Variants in CACNG7 observed in about 807,000 individuals in gnomAD.
CACNG7 encodes the protein voltage-dependent calcium channel gamma-7 subunit.
Under a neutral mutation model 26.3 loss-of-function variants are expected in CACNG7, and 9 were observed. The observed-to-expected ratio is 0.34, with a 90% confidence interval of 0.21 to 0.60. The LOEUF is 0.60. Ranked by LOEUF, CACNG7 falls within the 20% of genes least tolerant of loss-of-function variation. CACNG7 has a pLI of 0.81. For synonymous variants in CACNG7, 170 were observed against 157.0 expected, an observed-to-expected ratio of 1.08 and a Z score of -0.62; for missense variants, 297 against 380.4, an observed-to-expected ratio of 0.78 and a Z score of 1.82.
At chr19:53,920,726 TCCCAGGCTGGTCATTGGTGGAGTTG>T (rs2068939322) in intron 4 of CACNG7, among the ~76,000 whole-genome samples, 1 of 77,358 alleles carries the variant, frequency 1.3e-5, no homozygotes, top group African/African-American at 7.2e-5. Flanking sequence ...GGTGGAGCTG[TCCCAGGCTGGTCATTGGTGGAGTTG>T]CCCCAGGTCT....
At chr19:53,937,817 C>T (rs1479706106) in intron 4 of CACNG7, among the ~76,000 whole-genome samples, 1 of 152,142 alleles carries the variant, frequency 6.6e-6, no homozygotes, top group Non-Finnish European at 1.5e-5. Context: ...TCTGAAACCC[C>T]TGGTCTCAAG....
intron 4 of CACNG7, among the ~76,000 whole-genome samples, chr19:53,930,266 T>TG (rs2145914760): frequency 6.6e-6 from 1 of 151,796 alleles, no homozygotes; most frequent in South Asian, 2.1e-4. Flanking sequence ...TGGAGTGCAA[T>TG]GGTGCCATCT....
chr19:53,920,699 C>T (rs1599974559), intron 4 of CACNG7, among the ~76,000 whole-genome samples: 1 of 117,864 alleles, frequency 8.5e-6, no homozygotes, highest in Non-Finnish European at 1.7e-5. Context: ...GGTGGACTTG[C>T]TCCAGGTCTG....
chr19:53,913,094 T>C (rs895690087), intron 2 of CACNG7, 67 bp downstream of exon 2: 13 of 1,408,026 alleles, frequency 9.2e-6, no homozygotes, highest in Non-Finnish European at 1.3e-5. Flanking sequence ...GTCTTAGCCA[T>C]AGTCCCATCC....
intron 4 of CACNG7, among the ~76,000 whole-genome samples, chr19:53,938,448 G>A (rs1027995304): frequency 1.3e-5 from 2 of 152,158 alleles, no homozygotes; most frequent in Non-Finnish European, 1.5e-5. Context: ...TTTATATACT[G>A]CAGTCTAAGA....
chr19:53,916,743 G>C (rs960342294), intron 4 of CACNG7, among the ~76,000 whole-genome samples: 1 of 146,826 alleles, frequency 6.8e-6, no homozygotes, highest in Non-Finnish European at 1.5e-5. Context: ...CAGGTGATCT[G>C]CCCACCTCGG....
chr19:53,911,592 A>T (rs1238652248), intron 1 of CACNG7, among the ~76,000 whole-genome samples: 2 of 152,084 alleles, frequency 1.3e-5, no homozygotes, highest in African/African-American at 4.8e-5. Context: ...GAATGTGGAG[A>T]AGGGACGAGG....
chr19:53,936,048 T>C (rs2069103399), intron 4 of CACNG7, among the ~76,000 whole-genome samples: 1 of 152,124 alleles, frequency 6.6e-6, no homozygotes, highest in African/African-American at 2.4e-5. Flanking sequence ...TTTTTTTTTT[T>C]TTTAATACGT....
At chr19:53,925,650 GA>G (rs573959710) in intron 4 of CACNG7, among the ~76,000 whole-genome samples, 72 of 152,196 alleles carry the variant, frequency 4.7e-4, no homozygotes, top group African/African-American at 1.6e-3. Flanking sequence ...CAATTGTGGA[GA>G]AACCAGTGGA....
In CACNG7 at chr19:53,914,559, G is replaced by A. The variant is rs760201737; in HGVS notation, c.256G>A (p.Val86Met). The part of the protein sequence containing the change: ...EYFLEPEINL[V>M]TENTENILKT... ...TTTTCTTGAACCGGAGATCAATTTG[G>A]TGACGGAAAACACGGAGAATATTCT... Residue 86 changes from valine to methionine, a missense_variant, in exon 3 of 6, where the codon GTG (valine) becomes ATG (methionine). Val to Met is a conservative substitution (Grantham distance 21, BLOSUM62 1). Transcript: ENST00000391767. 6.2e-6 allele frequency: 10 copies of A among 1,614,036 alleles called. No individual in the cohort carries two copies. Among genetic ancestry groups the A allele is most frequent in the Admixed American group, 1.7e-5 (1 of 60,002 alleles).
intron 1 of CACNG7, among the ~76,000 whole-genome samples, chr19:53,911,252 G>A (rs763444211): frequency 3.3e-5 from 5 of 151,970 alleles, no homozygotes; most frequent in Non-Finnish European, 5.9e-5. Flanking sequence ...TTTTAGCAGA[G>A]ACAAGGTTTC....
intron 2 of CACNG7, among the ~76,000 whole-genome samples, chr19:53,914,046 C>G (rs1490404242): frequency 6.6e-6 from 1 of 151,832 alleles, no homozygotes; most frequent in East Asian, 1.9e-4. Flanking sequence ...GGGGCCAAGG[C>G]AGGTGGATCA....
At chr19:53,941,931 G>T in intron 5 of CACNG7, 105 bp from the exon 6 acceptor site, 6 of 1,375,356 alleles carry the variant, frequency 4.4e-6, no homozygotes, top group Non-Finnish European at 5.8e-6. Flanking sequence ...GGGATAGGAA[G>T]GGGCTTGGGG....
rs1297880901 is a variant in CACNG7, at chr19:53,909,876, G to A, written c.-30+359G>A. On this transcript the variant is annotated intron_variant, in intron 1 of 5. Coordinates refer to ENST00000391767, the MANE Select transcript of CACNG7 (RefSeq NM_031896.5). This position sits in a 1 kb window ranked among gnomAD's most constrained non-coding sequence, Gnocchi z 5.1. ...GTCTGGAAAGGGGTCCCAGAAAGGGGGAGTTACGGTCTCCCGAGAGATGGA... is the reference window on the plus strand; with the variant it reads ...GTCTGGAAAGGGGTCCCAGAAAGGGAGAGTTACGGTCTCCCGAGAGATGGA... Among the ~76,000 whole-genome samples, 1 of 152,150 alleles carries A rather than the reference G, an allele frequency of 6.6e-6. No individual in the cohort carries two copies. The highest frequency in any genetic ancestry group is 6.5e-5 in the Admixed American group (1 of 15,284).
At chr19:53,941,198 TCA>T (rs2069135413) in intron 4 of CACNG7, among the ~76,000 whole-genome samples, 1 of 152,212 alleles carries the variant, frequency 6.6e-6, no homozygotes, top group African/African-American at 2.4e-5. Flanking sequence ...GTAGCACCTA[TCA>T]CCTTATATGT....
intron 2 of CACNG7, among the ~76,000 whole-genome samples, chr19:53,913,337 A>G (rs2068872616): frequency 6.6e-6 from 1 of 151,716 alleles, no homozygotes; most frequent in Non-Finnish European, 1.5e-5. Context: ...AAAAAAATGC[A>G]TGGGACGGGC....
intron 4 of CACNG7, among the ~76,000 whole-genome samples, chr19:53,938,845 G>A (rs950706110): frequency 6.6e-6 from 1 of 152,114 alleles, no homozygotes; most frequent in Admixed American, 6.5e-5. Flanking sequence ...CTACTAGGGA[G>A]GCTGAGGTGG....
At chr19:53,923,576 T>TCCCAGGTCTGGTCATTGGTGGAGTTGC (rs2068986918) in intron 4 of CACNG7, among the ~76,000 whole-genome samples, 1 of 83,168 alleles carries the variant, frequency 1.2e-5, no homozygotes, top group Non-Finnish European at 2.5e-5. Context: ...GGTGGAGTTG[T>TCCCAGGTCTGGTCATTGGTGGAGTTGC]CCCAGGCTGG....
intron 4 of CACNG7, among the ~76,000 whole-genome samples, chr19:53,921,851 C>T (rs1300057583): frequency 1.0e-5 from 1 of 99,930 alleles, no homozygotes; most frequent in Non-Finnish European, 1.8e-5. Context: ...GTGGAGTTGT[C>T]CCAGGCTGGT....
Sources: allele counts gnomAD v4.1 joint callset (sites outside exome capture counted in the v4.1 genomes callset), GRCh38; gene constraint gnomAD v4.1.1; non-coding constraint Gnocchi (gnomAD v3.1); transcripts MANE v1.5; gene names NCBI Gene and HGNC (gene_info 2026-07-23, HGNC 2026-07-21).